The following NUP205 variants were observed in gnomAD, a reference collection of about 807,000 sequenced individuals.
The protein encoded by NUP205 is nuclear pore complex protein Nup205.
A neutral mutation model predicts 253.8 loss-of-function variants in NUP205; 76 were observed. That is an observed-to-expected ratio of 0.30 (90% CI 0.25 to 0.36). The LOEUF (loss-of-function observed/expected upper bound fraction) is 0.36, where lower values mean the gene tolerates loss of function less well. Among genes scored for constraint, NUP205 ranks in the 10% least tolerant of loss-of-function variants. NUP205 has a pLI of 1.00. For missense variants in NUP205, 2,162 were observed against 2,425.5 expected, an observed-to-expected ratio of 0.89 and a Z score of 2.28; for synonymous variants, 832 against 850.1, an observed-to-expected ratio of 0.98 and a Z score of 0.37.
chr7:135,643,239 A>G lies in NUP205; in HGVS notation c.5440A>G (p.Ile1814Val). ...ATACTGGCGCCTGCCTGGTTTAGGC[A>G]TTATCATCTACCTGCTGAAACAGAG... ...VPYWRLPGLG[I>V]IIYLLKQSAN... Residue 1814 changes from isoleucine to valine, a missense_variant, in exon 39 of 43, where the codon ATT becomes GTT. Ile to Val is a conservative substitution (Grantham distance 29). Coordinates refer to ENST00000285968, the MANE Select transcript of NUP205 (RefSeq NM_015135.3). 1 of 1,614,136 alleles carries G rather than the reference A, an allele frequency of 6.2e-7. No homozygotes were observed. The highest frequency in any genetic ancestry group is 1.1e-5 in the South Asian group (1 of 91,082).
chr7:135,602,058 G>A (rs746431622), intron 17 of NUP205, among the ~76,000 whole-genome samples: 1 of 152,200 alleles, frequency 6.6e-6, no homozygotes, highest in Non-Finnish European at 1.5e-5. Flanking sequence ...TCCCTATCAA[G>A]TGTGGGAGCT....
In NUP205 at chr7:135,616,680, A is replaced by C; in HGVS notation, c.3486A>C (p.Glu1162Asp). The change falls in exon 25 of 43, where the codon GAA becomes GAC. Residue 1162 changes from glutamate (E) to aspartate (D), a missense_variant. Glu to Asp is a conservative substitution (Grantham distance 45). This residue lies in a region of NUP205 where 1,144 missense variants were observed against 1,280.9 expected (regional missense o/e 0.89). Coordinates refer to ENST00000285968, the MANE Select transcript of NUP205 (RefSeq NM_015135.3). ...YSDGEGGIED[E>D]NRSVSGFLHF... is the part of the protein sequence containing the mutation. ...ATGGTGAAGGAGGAATAGAAGATGA[A>C]AACAGGTCTGTTTCTGGGTTCCTTC... 1 of 1,571,130 alleles carries C rather than the reference A, an allele frequency of 6.4e-7. No homozygotes were observed.
intron 31 of NUP205, among the ~76,000 whole-genome samples, chr7:135,623,814 G>T (rs918340204): frequency 6.6e-6 from 1 of 152,066 alleles, no homozygotes; most frequent in Non-Finnish European, 1.5e-5. Context: ...ATGGAGTCTC[G>T]CTCTGTCGCC....
At chr7:135,603,543 T>C (rs1261693339) in intron 18 of NUP205, among the ~76,000 whole-genome samples, 3 of 151,310 alleles carry the variant, frequency 2.0e-5, no homozygotes, top group Non-Finnish European at 4.4e-5. Context: ...AACATTTCGC[T>C]CTGTCACCCA....
At chr7:135,610,143 T>TAA (rs1410928965) in intron 22 of NUP205, among the ~76,000 whole-genome samples, 1 of 152,244 alleles carries the variant, frequency 6.6e-6, no homozygotes, top group Non-Finnish European at 1.5e-5. Flanking sequence ...AAAGTTGTTC[T>TAA]AACTTTTAGA....
At chr7:135,617,739 GA>G (rs1794391452) in intron 27 of NUP205, 57 bp downstream of exon 27, 2 of 1,110,936 alleles carry the variant, frequency 1.8e-6, no homozygotes, top group East Asian at 4.8e-5. Context: ...GGTTGCTGGT[GA>G]AAAGACTAAA....
chr7:135,558,166 A>AGAC, intron 1 of NUP205, 194 bp downstream of exon 1: 1 of 617,392 alleles, frequency 1.6e-6, no homozygotes, highest in Admixed American at 2.5e-5. Context: ...CCAGCCCTCG[A>AGAC]GTTGGGGTTT....
At chr7:135,611,571 A>G (rs1417418794) in intron 22 of NUP205, among the ~76,000 whole-genome samples, 2 of 151,510 alleles carry the variant, frequency 1.3e-5, no homozygotes, top group Non-Finnish European at 2.9e-5. Context: ...TATACATGAA[A>G]TTTTGTGTCT....
intron 30 of NUP205, among the ~76,000 whole-genome samples, chr7:135,620,925 CA>C (rs1794459228): frequency 6.6e-6 from 1 of 152,188 alleles, no homozygotes; most frequent in South Asian, 2.1e-4. Flanking sequence ...AATCTTAAGA[CA>C]TGAAAATGTT....
Position 135,619,597 on chromosome 7 carries a change from C to T in NUP205, c.4138C>T (p.Pro1380Ser). ...MLDSCFTSPP[P>S]EENPLVGFAS... ...TGATAGTTGCTTCACCTCACCTCCT[C>T]CTGAAGAGAACCCATTAGTGGGTTT... The change falls in exon 29 of 43, where the codon CCT becomes TCT. Residue 1380 changes from proline to serine, a missense_variant. Coordinates refer to ENST00000285968, the MANE Select transcript of NUP205 (RefSeq NM_015135.3). 1 of 1,614,124 alleles carries T rather than the reference C, an allele frequency of 6.2e-7. No individual in the cohort carries two copies. Among genetic ancestry groups the T allele is most frequent in the Non-Finnish European group, 8.5e-7 (1 of 1,180,014 alleles).
At chr7:135,595,213 G>T (rs1409648880) in intron 13 of NUP205, among the ~76,000 whole-genome samples, 1 of 151,656 alleles carries the variant, frequency 6.6e-6, no homozygotes, top group African/African-American at 2.4e-5. Context: ...TGTCAAGTTT[G>T]CACTGATTTT....
chr7:135,577,039 C>G lies in NUP205; in HGVS notation c.559C>G (p.Leu187Val). ...GGAGCAAGGATTGACTTATAAAGTT[C>G]TTACGCTGGTGTCACAGATTGATGT... ...LMEQGLTYKV[L>V]TLVSQIDVNN... The change falls in exon 5 of 43, where the codon CTT (leucine) becomes GTT (valine). Residue 187 changes from leucine to valine, a missense_variant. Coordinates refer to ENST00000285968, the MANE Select transcript of NUP205 (RefSeq NM_015135.3). 1 of 1,613,998 alleles carries G rather than the reference C, an allele frequency of 6.2e-7. No individual in the cohort carries two copies. The highest frequency in any genetic ancestry group is 8.5e-7 in the Non-Finnish European group (1 of 1,179,918).
At chr7:135,621,112 A>G (rs113801262) in intron 30 of NUP205, among the ~76,000 whole-genome samples, 6 of 152,338 alleles carry the variant, frequency 3.9e-5, no homozygotes, top group Non-Finnish European at 5.9e-5. Flanking sequence ...ATACACTGTT[A>G]AAAACCACTG....
intron 38 of NUP205, 144 bp downstream of exon 38, chr7:135,638,827 C>T (rs777228603): frequency 1.4e-5 from 12 of 846,394 alleles, no homozygotes; most frequent in Middle Eastern, 5.1e-4. Flanking sequence ...TAAAGTTGAG[C>T]GGGAGGTATT....
Position 135,625,260 on chromosome 7 carries a change from G to C in NUP205, c.4576G>C (p.Val1526Leu). ...TAACAGTGGCTACTTGAAGGTCCTC[G>C]TAGACAGCTTGGTAGAAGATGACCG... ...LSNSGYLKVL[V>L]DSLVEDDRTL... is the part of the protein sequence containing the mutation. The change falls in exon 32 of 43, where the codon GTA becomes CTA. Residue 1526 changes from valine to leucine, a missense_variant. Physicochemically the swap from Val to Leu is conservative, Grantham distance 32 (BLOSUM62 1). Coordinates refer to ENST00000285968, the MANE Select transcript of NUP205 (RefSeq NM_015135.3). 6.2e-7 allele frequency: 1 copy of C among 1,614,090 alleles called. No homozygotes were observed. The highest frequency in any genetic ancestry group is 8.5e-7 in the Non-Finnish European group (1 of 1,179,998).
chr7:135,614,298 A>G, intron 23 of NUP205, 25 bp downstream of exon 23: 1 of 1,137,244 alleles, frequency 8.8e-7, no homozygotes, highest in Non-Finnish European at 1.3e-6. Context: ...TCCCGTATTT[A>G]TAAGAACACA....
At chr7:135,648,006 C>T (rs1795043258) in intron 42 of NUP205, among the ~76,000 whole-genome samples, 1 of 152,072 alleles carries the variant, frequency 6.6e-6, no homozygotes, top group Non-Finnish European at 1.5e-5. Context: ...TCTTTCCCAC[C>T]TACCCTCCTG....
chr7:135,602,799 T>A lies in NUP205; in HGVS notation c.2513-6T>A, dbSNP rs1793991819. 1 of 1,599,570 alleles carries A rather than the reference T, an allele frequency of 6.3e-7. No homozygotes were observed. Among genetic ancestry groups the A allele is most frequent in the African/African-American group, 1.3e-5 (1 of 74,210 alleles). Reference sequence around the variant, plus strand: ...AGAACTTTCTAACTTTATTTTTGGTTGATAGGGAAAAAACACCTGGAGAAA... The same window carrying A: ...AGAACTTTCTAACTTTATTTTTGGTAGATAGGGAAAAAACACCTGGAGAAA... On this transcript the variant is annotated splice_polypyrimidine_tract_variant and splice_region_variant and intron_variant, in intron 17 of 42. Coordinates refer to ENST00000285968, the MANE Select transcript of NUP205 (RefSeq NM_015135.3).
intron 25 of NUP205, 88 bp downstream of exon 25, chr7:135,616,814 C>T (rs1275601965): frequency 2.6e-6 from 2 of 780,090 alleles, no homozygotes; most frequent in Admixed American, 6.9e-5. Context: ...GCCTGTGCCT[C>T]CAAACTCTGA....
Sources: allele counts gnomAD v4.1 joint callset (sites outside exome capture counted in the v4.1 genomes callset), GRCh38; gene constraint gnomAD v4.1.1; regional missense constraint gnomAD v4.1.1; transcripts MANE v1.5; gene names NCBI Gene and HGNC (gene_info 2026-07-23, HGNC 2026-07-21).